Variants in PEAK1 observed in about 807,000 individuals in gnomAD.
PEAK1 encodes the protein inactive tyrosine-protein kinase PEAK1.
In PEAK1, 54 loss-of-function variants were observed where a neutral mutation model predicts 124.7. The observed-to-expected ratio is 0.43, with a 90% confidence interval of 0.35 to 0.54. The LOEUF is 0.54. Among genes scored for constraint, PEAK1 ranks in the 20% least tolerant of loss-of-function variants. PEAK1 has a pLI of 0.01. For missense variants in PEAK1, 2,046 were observed against 2,134.5 expected (o/e 0.96, Z 0.82); for synonymous variants, 719 against 760.0 (o/e 0.95, Z 0.89).
Position 77,234,153 on chromosome 15 carries a change from C to T in PEAK1, c.-115+18214G>A, listed in dbSNP as rs971113526. 2.0e-5 allele frequency among the ~76,000 whole-genome samples: 3 copies of T among 152,302 alleles called. No individual in the cohort carries two copies. The South Asian group carries it at 6.2e-4, about 32-fold the overall frequency. On this transcript the variant is annotated intron_variant, in intron 6 of 9. Transcript: ENST00000682557. Reference sequence around the variant, plus strand: ...AAGTGTTGAGATTACAGGCATGAGCCACTGTGCCCACACAGCATTCACATT... The same window carrying T: ...AAGTGTTGAGATTACAGGCATGAGCTACTGTGCCCACACAGCATTCACATT...
chr15:77,176,233 C>A (rs2056860783), intron 7 of PEAK1, among the ~76,000 whole-genome samples: 2 of 141,470 alleles, frequency 1.4e-5, no homozygotes, highest in African/African-American at 2.7e-5. Context: ...GCACATGTAC[C>A]CTAAAACTTA....
chr15:77,254,270 G>A (rs1208636176), intron 5 of PEAK1, among the ~76,000 whole-genome samples: 1 of 151,952 alleles, frequency 6.6e-6, no homozygotes, highest in Non-Finnish European at 1.5e-5. Flanking sequence ...AAAAAAAATT[G>A]TTCTATCCCA....
intron 2 of PEAK1, chr15:77,350,641 T>C (rs1333766350): frequency 2.0e-6 from 2 of 984,360 alleles, no homozygotes; most frequent in African/African-American, 3.5e-5. Flanking sequence ...GCCCAGCTTG[T>C]GACATAGCAT....
At position 77,238,182 on chromosome 15, in the gene PEAK1, A is replaced by C. The variant is rs75263514; in HGVS notation, c.-115+14185T>G. On this transcript the variant is annotated intron_variant, in intron 6 of 9. Transcript: ENST00000682557. ...GAGTACTGCATGTCTAAAAAATGTC[A>C]GTTTTATAATTTGGGCAGGTATTGA... Among the ~76,000 whole-genome samples the C allele has an allele frequency of 4.6e-3, 706 of 152,206 alleles. 6 individuals carry two copies. The highest frequency in any genetic ancestry group is 0.017 in the African/African-American group (689 of 41,542).
Position 77,133,639 on chromosome 15 carries a change from G to T in PEAK1, c.3443C>A (p.Ser1148Tyr). Reference protein sequence around the residue: ...GKTDQEAPNASQPTPPPLPKK... With the variant: ...GKTDQEAPNAYQPTPPPLPKK... Reference sequence around the variant, plus strand: ...TGGCAGTGGGGGTGGTGTAGGTTGGGAAGCATTGGGTGCTTCTTGGTCTGT... The same window carrying T: ...TGGCAGTGGGGGTGGTGTAGGTTGGTAAGCATTGGGTGCTTCTTGGTCTGT... Residue 1148 changes from serine to tyrosine, a missense_variant, in exon 9 of 10, where the codon TCC (serine) becomes TAC (tyrosine). By Grantham distance (144) the Ser-to-Tyr change is moderately radical. Transcript: ENST00000682557. The surrounding 1 kb of genome is among the most constrained non-coding windows in gnomAD (Gnocchi z 4.2). 6.2e-7 allele frequency: 1 copy of T among 1,614,134 alleles called. No homozygotes were observed. The highest frequency in any genetic ancestry group is 8.5e-7 in the Non-Finnish European group (1 of 1,180,022).
At chr15:77,178,752 TA>T (rs1567069821) in intron 7 of PEAK1, 37 bp downstream of exon 7, 3 of 1,574,158 alleles carry the variant, frequency 1.9e-6, no homozygotes, top group Admixed American at 1.8e-5. Flanking sequence ...GAAAATGTGT[TA>T]AAAAATTCCC....
intron 9 of PEAK1, among the ~76,000 whole-genome samples, chr15:77,122,397 G>C (rs1019034477): frequency 1.5e-4 from 23 of 152,256 alleles, no homozygotes; most frequent in African/African-American, 5.1e-4. Context: ...AAAATAACTT[G>C]TGTTCCTGAG....
intron 9 of PEAK1, among the ~76,000 whole-genome samples, chr15:77,124,316 G>C (rs1321813939): frequency 1.3e-5 from 2 of 152,190 alleles, no homozygotes; most frequent in Admixed American, 1.3e-4. Flanking sequence ...ACTAAATCAA[G>C]TCTATGACCA....
chr15:77,168,235 G>GTGCACACA (rs1555428560), intron 7 of PEAK1, among the ~76,000 whole-genome samples: 6 of 59,580 alleles, frequency 1.0e-4, no homozygotes, highest in Non-Finnish European at 1.5e-4. Flanking sequence ...GCATGTGCGC[G>GTGCACACA]CGCACACACA....
chr15:77,382,419 T>C (rs1488602072), intron 1 of PEAK1, among the ~76,000 whole-genome samples: 4 of 152,222 alleles, frequency 2.6e-5, no homozygotes, highest in Non-Finnish European at 5.9e-5. Context: ...TTCTTTCACC[T>C]TGTCTGATAC....
intron 2 of PEAK1, among the ~76,000 whole-genome samples, chr15:77,299,253 T>C (rs1201925309): frequency 6.6e-6 from 1 of 152,246 alleles, no homozygotes; most frequent in Non-Finnish European, 1.5e-5. Context: ...ATGTCTCCTC[T>C]TATCCACTCA....
At chr15:77,334,054 T>C in intron 2 of PEAK1, 1 of 719,048 alleles carries the variant, frequency 1.4e-6, no homozygotes, top group South Asian at 6.3e-5. Flanking sequence ...TCTCTGTACT[T>C]ATTCAACTCT....
chr15:77,199,653 T>C (rs2058269247), intron 6 of PEAK1, among the ~76,000 whole-genome samples: 3 of 152,310 alleles, frequency 2.0e-5, no homozygotes, highest in Admixed American at 6.5e-5. Flanking sequence ...AGACTGCGGA[T>C]ATGGCAAAAA....
At chr15:77,218,191 T>C (rs2059229757) in intron 6 of PEAK1, among the ~76,000 whole-genome samples, 1 of 152,188 alleles carries the variant, frequency 6.6e-6, no homozygotes, top group Non-Finnish European at 1.5e-5. Flanking sequence ...TGACATTAGA[T>C]AGAAGGCACT....
chr15:77,405,011 GTT>G (rs751125559), intron 1 of PEAK1, among the ~76,000 whole-genome samples: 1 of 141,596 alleles, frequency 7.1e-6, no homozygotes, highest in Admixed American at 7.1e-5. Flanking sequence ...TTAGTTTTTT[GTT>G]TTTTTTTTTT....
intron 6 of PEAK1, among the ~76,000 whole-genome samples, chr15:77,200,739 A>G (rs2058323130): frequency 6.6e-6 from 1 of 152,206 alleles, no homozygotes; most frequent in African/African-American, 2.4e-5. Flanking sequence ...AAATTAGAGG[A>G]GGAGATAAAC....
intron 2 of PEAK1, among the ~76,000 whole-genome samples, chr15:77,296,874 G>A (rs2063512932): frequency 6.6e-6 from 1 of 151,558 alleles, no homozygotes; most frequent in Admixed American, 6.6e-5. Context: ...AGACAAAGGA[G>A]GGACAAGCAC....
At chr15:77,347,621 C>G in intron 2 of PEAK1, 1 of 984,892 alleles carries the variant, frequency 1.0e-6, no homozygotes, top group African/African-American at 1.7e-5. Flanking sequence ...AGCCCAGAGA[C>G]TTTAAAAAAA....
intron 2 of PEAK1, among the ~76,000 whole-genome samples, chr15:77,301,549 GATTT>G (rs1343682915): frequency 6.6e-6 from 1 of 152,146 alleles, no homozygotes; most frequent in African/African-American, 2.4e-5. Flanking sequence ...GCAAAACTGT[GATTT>G]ATTTGATTTC....
Sources: allele counts gnomAD v4.1 joint callset (sites outside exome capture counted in the v4.1 genomes callset), GRCh38; gene constraint gnomAD v4.1.1; non-coding constraint Gnocchi (gnomAD v3.1); transcripts MANE v1.5; gene names NCBI Gene and HGNC (gene_info 2026-07-23, HGNC 2026-07-21).